Variants in WDCP observed in about 807,000 individuals in gnomAD.
WDCP encodes WD repeat and coiled coil containing.
WDCP carries 19 observed loss-of-function variants against 41.6 expected under a neutral mutation model. The observed-to-expected ratio is 0.46, with a 90% CI of 0.32 to 0.67. The LOEUF (loss-of-function observed/expected upper bound fraction) is 0.67, where lower values mean the gene tolerates loss of function less well. WDCP is among the 30% of genes least tolerant of loss of function. The pLI, the probability that WDCP is intolerant of heterozygous loss-of-function variation, is 0.04. For missense variants in WDCP, 802 were observed against 850.7 expected (o/e 0.94, Z 0.71); for synonymous variants, 302 against 320.8 (o/e 0.94, Z 0.63).
At chr2:24,036,008 G>C (rs1663240779) in intron 2 of WDCP, among the ~76,000 whole-genome samples, 1 of 151,170 alleles carries the variant, frequency 6.6e-6, no homozygotes, top group African/African-American at 2.4e-5. Context: ...GTTGGAGGTT[G>C]CAGCGAGCTG....
At chr2:24,035,513 A>T (rs1663216866) in intron 2 of WDCP, among the ~76,000 whole-genome samples, 1 of 152,166 alleles carries the variant, frequency 6.6e-6, no homozygotes, top group South Asian at 2.1e-4. Context: ...TAAATGAATT[A>T]CCTATTAAAA....
At position 24,038,593 on chromosome 2, in the gene WDCP, A is replaced by G. The variant is rs1368394237; in HGVS notation, c.902T>C (p.Ile301Thr). The change falls in exon 2 of 4, where the codon ATT (isoleucine) becomes ACT (threonine). Residue 301 changes from isoleucine (I) to threonine (T), a missense_variant. By Grantham distance (89) the Ile-to-Thr change is moderately conservative (BLOSUM62 -1). Transcript: ENST00000295148. ...CAAGTAGTCCTTTTTTCTTAGACAA[A>G]TAAGAGAATTACCCTCAGACTTATG... is the stretch of plus-strand genomic sequence containing the variant. ...NQHKSEGNSL[I>T]CLRKKDYLTG... 1.9e-6 allele frequency: 3 copies of G among 1,614,016 alleles called. No homozygotes were observed. Among genetic ancestry groups the G allele is most frequent in the Non-Finnish European group, 1.7e-6 (2 of 1,179,946 alleles).
Position 24,031,034 on chromosome 2 carries a change from G to A in WDCP, c.2065C>T (p.His689Tyr). 1 of 1,614,194 alleles carries A rather than the reference G, an allele frequency of 6.2e-7. No homozygotes were observed. The highest frequency in any genetic ancestry group is 2.2e-5 in the East Asian group (1 of 44,890). Residue 689 changes from histidine to tyrosine, a missense_variant, in exon 4 of 4, where the codon CAC (histidine) becomes TAC (tyrosine). This residue lies in a region of WDCP where 321 missense variants were observed against 305.1 expected (regional missense o/e 1.05). Coordinates refer to ENST00000295148, the MANE Select transcript of WDCP (RefSeq NM_025203.3). The part of the protein sequence containing the change: ...RSDVFRDSFS[H>Y]SPGAVSSLKV... ...AGAGAAGAAACAGCACCTGGACTGT[G>A]AGAAAAAGAGTCTCTGAAGACATCT...
intron 1 of WDCP, among the ~76,000 whole-genome samples, chr2:24,043,845 T>A (rs182265384): frequency 6.6e-6 from 1 of 152,076 alleles, no homozygotes; most frequent in Non-Finnish European, 1.5e-5. Context: ...TTATTTCGCA[T>A]ATCTCCTTGC....
chr2:24,040,900 C>A (rs1663407760), intron 1 of WDCP, among the ~76,000 whole-genome samples: 1 of 152,146 alleles, frequency 6.6e-6, no homozygotes, highest in Admixed American at 6.6e-5. Context: ...CCTATACTCC[C>A]AGCTACTTAG....
chr2:24,045,540 G>T (rs1243021241), intron 1 of WDCP, among the ~76,000 whole-genome samples: 1 of 149,692 alleles, frequency 6.7e-6, no homozygotes, highest in African/African-American at 2.5e-5. Context: ...GGCGGAGGTT[G>T]CAGTGAGCCG....
At chr2:24,042,113 G>A (rs1026842706) in intron 1 of WDCP, among the ~76,000 whole-genome samples, 38 of 152,132 alleles carry the variant, frequency 2.5e-4, no homozygotes, top group African/African-American at 8.9e-4. Flanking sequence ...ACTAATTTTA[G>A]TATAAAGCCT....
chr2:24,038,716 A>T lies in WDCP; in HGVS notation c.779T>A (p.Met260Lys), dbSNP rs1412891739. 1 of 1,614,212 alleles carries T rather than the reference A, an allele frequency of 6.2e-7. No homozygotes were observed. Among genetic ancestry groups the T allele is most frequent in the South Asian group, 1.1e-5 (1 of 91,080 alleles). The change falls in exon 2 of 4, where the codon ATG (methionine) becomes AAG (lysine). Residue 260 changes from methionine to lysine, a missense_variant. Met to Lys is a moderately conservative substitution (Grantham distance 95). This residue lies in a region of WDCP where 247 missense variants were observed against 240.5 expected (regional missense o/e 1.03). Transcript: ENST00000295148. ...ALPVIGEVRS[M>K]DKEATDSETN... The stretch of plus-strand genomic sequence containing the variant: ...TTCAGAATCAGTTGCCTCTTTATCC[A>T]TAGAGCGTACTTCACCAATAACTGG...
At position 24,039,451 on chromosome 2, in the gene WDCP, G is replaced by A. The variant is rs778442393; in HGVS notation, c.44C>T (p.Ala15Val). ...GATCGGATGCACTGCTTGATGCAAC[G>A]CATTCAGTCCAGTCCTGAGTAGTTT... ...KGKLLRTGLNALHQAVHPIHG... is the reference protein window; with the variant it reads ...KGKLLRTGLNVLHQAVHPIHG... The change falls in exon 2 of 4, where the codon GCG (alanine) becomes GTG (valine). Residue 15 changes from alanine to valine, a missense_variant. By Grantham distance (64) the Ala-to-Val change is moderately conservative. This residue lies in a region of WDCP where 214 missense variants were observed against 252.9 expected (regional missense o/e 0.85). Coordinates refer to ENST00000295148, the MANE Select transcript of WDCP (RefSeq NM_025203.3). The A allele has an allele frequency of 8.7e-6, 14 of 1,614,066 alleles. No homozygotes were observed. Among genetic ancestry groups the A allele is most frequent in the South Asian group, 2.2e-5 (2 of 91,084 alleles).
chr2:24,045,631 G>GGAAGGA (rs367897717), intron 1 of WDCP, among the ~76,000 whole-genome samples: 2 of 106,156 alleles, frequency 1.9e-5, no homozygotes, highest in African/African-American at 4.8e-5. Context: ...GAGAGAGAGA[G>GGAAGGA]AGGAAGGAAG....
chr2:24,045,600 CAA>C (rs869243363), intron 1 of WDCP, among the ~76,000 whole-genome samples: 16 of 64,412 alleles, frequency 2.5e-4, no homozygotes, highest in Non-Finnish European at 3.4e-4. Flanking sequence ...GACTCCATCT[CAA>C]AAAAAAAAAA....
At chr2:24,031,631 C>T (rs1471112440) in intron 3 of WDCP, among the ~76,000 whole-genome samples, 7 of 152,030 alleles carry the variant, frequency 4.6e-5, no homozygotes, top group Non-Finnish European at 8.8e-5. Context: ...TCGAGACCAT[C>T]CTGGCTAACA....
Position 24,029,397 on chromosome 2 carries a change from A to G in WDCP, c.*1536T>C, listed in dbSNP as rs909528666. ...CTTATTCACAGTATTTTGACCTGAGAAATGGTGATTTTAACATACCCTTTT... is the reference window on the plus strand; with the variant it reads ...CTTATTCACAGTATTTTGACCTGAGGAATGGTGATTTTAACATACCCTTTT... On this transcript the variant is annotated 3_prime_UTR_variant, in exon 4 of 4. Coordinates refer to ENST00000295148, the MANE Select transcript of WDCP (RefSeq NM_025203.3). 1 of 152,206 alleles carries G rather than the reference A, an allele frequency of 6.6e-6. No homozygotes were observed. Among genetic ancestry groups the G allele is most frequent in the African/African-American group, 2.4e-5 (1 of 41,460 alleles). 9.4% of individuals were successfully genotyped at this position (152,206 alleles called of 1,614,324 possible). A position where few individuals can be genotyped will look rare whatever the true frequency, so the allele number is the denominator to read the frequency against.
rs1663064199 is a variant in WDCP at position 24,030,209 on chromosome 2, T to G, written c.*724A>C. 1 of 152,118 alleles carries G rather than the reference T, an allele frequency of 6.6e-6. No individual in the cohort carries two copies. The allele number at this position is 152,118 out of a possible 1,614,324, so 9.4% of individuals were successfully genotyped here. A position where few individuals can be genotyped will look rare whatever the true frequency, so the allele number is the denominator to read the frequency against. On this transcript the variant is annotated 3_prime_UTR_variant, in exon 4 of 4. Coordinates refer to ENST00000295148, the MANE Select transcript of WDCP (RefSeq NM_025203.3). ...ACAAAATCCTGCAGTAGGACTTACC[T>G]GGGCTCGACAGTGTGGTAGCAGCAT...
rs1213727619 is a variant in WDCP, at chr2:24,037,800, A to G, written c.1695T>C (p.Ser565=). 3 of 1,614,128 alleles carry G rather than the reference A, an allele frequency of 1.9e-6. No homozygotes were observed. The highest frequency in any genetic ancestry group is 1.1e-5 in the South Asian group (1 of 91,094). The stretch of plus-strand genomic sequence containing the variant: ...ACCGTTGCATTTCAACCAGGTTCCT[A>G]GATAAAATTTCCACTTCCTTAGACA... ...YQLSKEVEIL[S]RNLVEMQRCL... The change falls in exon 2 of 4, where the codon TCT becomes TCC. Residue 565 remains serine (S), a synonymous_variant. Transcript: ENST00000295148.
chr2:24,044,094 C>T (rs1477480740), intron 1 of WDCP, among the ~76,000 whole-genome samples: 2 of 152,092 alleles, frequency 1.3e-5, no homozygotes, highest in South Asian at 4.1e-4. Context: ...TAAATAATGC[C>T]ATGATACACT....
In WDCP at chr2:24,029,359, A is replaced by G. The variant is rs1663048668; in HGVS notation, c.*1574T>C. The stretch of plus-strand genomic sequence containing the variant: ...AAAACAGCCACAATAACCATTAGTG[A>G]TTTTATTGAAGACTTATTCACAGTA... On this transcript the variant is annotated 3_prime_UTR_variant, in exon 4 of 4. Coordinates refer to ENST00000295148, the MANE Select transcript of WDCP (RefSeq NM_025203.3). 1 of 152,242 alleles carries G rather than the reference A, an allele frequency of 6.6e-6. No homozygotes were observed. Among genetic ancestry groups the G allele is most frequent in the Non-Finnish European group, 1.5e-5 (1 of 68,040 alleles). The allele number at this position is 152,242 out of a possible 1,614,324, so 9.4% of individuals were successfully genotyped here. A position where few individuals can be genotyped will look rare whatever the true frequency, so the allele number is the denominator to read the frequency against.
rs1202168051 is a variant in WDCP, at chr2:24,039,009, T to C, written c.486A>G (p.Ala162=). ...GCCTCAGGCCATCCTGGGTCCAACA[T>C]GCACAGTGAATGCGGCCCTGGGTGT... ...DINTQGRIHC[A]CWTQDGLRLV... Residue 162 remains alanine (A), a synonymous_variant, in exon 2 of 4, where the codon GCA becomes GCG. Coordinates refer to ENST00000295148, the MANE Select transcript of WDCP (RefSeq NM_025203.3). 2 of 1,614,170 alleles carry C rather than the reference T, an allele frequency of 1.2e-6. No individual in the cohort carries two copies. The highest frequency in any genetic ancestry group is 1.7e-6 in the Non-Finnish European group (2 of 1,180,038).
In WDCP at chr2:24,030,852, A is replaced by T. The variant is rs1387410573; in HGVS notation, c.*81T>A. ...TTCGCCTGAGTGCAGTGGGAGTCTCATTGGCGAGTGTCCAGTGTCAAGCAG... is the reference window on the plus strand; with the variant it reads ...TTCGCCTGAGTGCAGTGGGAGTCTCTTTGGCGAGTGTCCAGTGTCAAGCAG... On this transcript the variant is annotated 3_prime_UTR_variant, in exon 4 of 4. Transcript: ENST00000295148. The T allele has an allele frequency of 9.1e-7, 1 of 1,095,862 alleles. No individual in the cohort carries two copies. The highest frequency in any genetic ancestry group is 2.1e-5 in the Admixed American group (1 of 47,040). 67.9% of individuals were successfully genotyped at this position (1,095,862 alleles called of 1,614,324 possible). A position where few individuals can be genotyped will look rare whatever the true frequency, so the allele number is the denominator to read the frequency against.
Sources: allele counts gnomAD v4.1 joint callset (sites outside exome capture counted in the v4.1 genomes callset), GRCh38; gene constraint gnomAD v4.1.1; regional missense constraint gnomAD v4.1.1; transcripts MANE v1.5; gene names NCBI Gene and HGNC (gene_info 2026-07-23, HGNC 2026-07-21).